ANGEL2: variants seen among roughly 807,000 people sequenced by gnomAD.
ANGEL2 encodes the protein angel homolog 2, also known as RNA 2',3'-cyclic phosphatase ANGEL2.
A neutral mutation model predicts 66.0 loss-of-function variants in ANGEL2; 41 were observed. The observed-to-expected ratio is 0.62, with a 90% CI of 0.48 to 0.81. The LOEUF (loss-of-function observed/expected upper bound fraction) is 0.81, where lower values mean the gene tolerates loss of function less well. Ranked by LOEUF, ANGEL2 falls within the 30% of genes least tolerant of loss-of-function variation. ANGEL2 has a pLI of 0.00. For synonymous variants in ANGEL2, 208 were observed against 226.5 expected, an observed-to-expected ratio of 0.92 and a Z score of 0.73; for missense variants, 561 against 641.6, an observed-to-expected ratio of 0.87 and a Z score of 1.36.
chr1:213,006,087 A>AC (rs1438224697), intron 4 of ANGEL2, among the ~76,000 whole-genome samples: 1 of 152,120 alleles, frequency 6.6e-6, no homozygotes, highest in Non-Finnish European at 1.5e-5. Context: ...CAAGGGAGAA[A>AC]TTTTTTTAAT....
intron 2 of ANGEL2, among the ~76,000 whole-genome samples, 165 bp downstream of exon 2, chr1:213,012,928 C>G (rs2076544730): frequency 6.6e-6 from 1 of 152,084 alleles, no homozygotes; most frequent in Admixed American, 6.6e-5. Flanking sequence ...AAAATAAAGA[C>G]TTCATTTAAG....
chr1:212,996,632 A>ATATAT (rs1260056648), intron 8 of ANGEL2, among the ~76,000 whole-genome samples: 2 of 54,024 alleles, frequency 3.7e-5, no homozygotes, highest in African/African-American at 8.2e-5. Context: ...CCAAAAAAAA[A>ATATAT]AAAAAAAAAT....
chr1:213,013,538 CTG>C, intron 1 of ANGEL2, 120 bp from the exon 2 acceptor site: 1 of 937,554 alleles, frequency 1.1e-6, no homozygotes, highest in Admixed American at 2.9e-5. Flanking sequence ...GCTGCTAAAT[CTG>C]TGAAGGATGA....
At chr1:213,012,335 A>G (rs1054221552) in intron 2 of ANGEL2, among the ~76,000 whole-genome samples, 2 of 152,218 alleles carry the variant, frequency 1.3e-5, no homozygotes, top group African/African-American at 4.8e-5. Context: ...TTATGGTTCA[A>G]TAAGAAAGAC....
intron 2 of ANGEL2, among the ~76,000 whole-genome samples, chr1:213,010,529 G>A (rs551332064): frequency 1.3e-5 from 2 of 149,792 alleles, no homozygotes; most frequent in East Asian, 2.0e-4. Context: ...CTGAGATTGC[G>A]CCATTGCACT....
chr1:213,005,558 C>A, intron 4 of ANGEL2, 104 bp from the exon 5 acceptor site: 5 of 1,207,774 alleles, frequency 4.1e-6, no homozygotes, highest in Non-Finnish European at 5.7e-6. Flanking sequence ...CTGTATTCTG[C>A]AAAACATTAG....
intron 2 of ANGEL2, among the ~76,000 whole-genome samples, chr1:213,010,008 G>A (rs565275302): frequency 5.5e-5 from 8 of 144,734 alleles, no homozygotes; most frequent in Non-Finnish European, 1.2e-4. Flanking sequence ...CCGAGATCGC[G>A]CCATTGCACT....
In ANGEL2 at chr1:213,000,924, T is replaced by G; in HGVS notation, c.1135-12A>C. 2 of 1,602,854 alleles carry G rather than the reference T, an allele frequency of 1.2e-6. No homozygotes were observed. Among genetic ancestry groups the G allele is most frequent in the Non-Finnish European group, 1.7e-6 (2 of 1,177,786 alleles). ...TCCTGGCCAGATACCTAAACAAAAT[T>G]TCAACAGGTATCTTAAGTGAAAAGA... On this transcript the variant is annotated splice_polypyrimidine_tract_variant and intron_variant, in intron 5 of 8. Coordinates refer to ENST00000366962, the MANE Select transcript of ANGEL2 (RefSeq NM_144567.5).
rs1558181995 is a variant in ANGEL2, at chr1:213,005,365, C to T, written c.802G>A (p.Val268Met). Residue 268 changes from valine to methionine, a missense_variant, in exon 5 of 9, where the codon GTG (valine) becomes ATG (methionine). Transcript: ENST00000366962. ...GGGCGGAAGAATTCCACTGGGTTCA[C>T]TGACAAGAGTGAAAATTTGGAATGT... ...FKHSKFSLLS[V>M]NPVEFFRPDI... 1 of 1,614,108 alleles carries T rather than the reference C, an allele frequency of 6.2e-7. No homozygotes were observed.
chr1:213,012,925 A>C (rs1193637486), intron 2 of ANGEL2, among the ~76,000 whole-genome samples, 168 bp downstream of exon 2: 1 of 152,266 alleles, frequency 6.6e-6, no homozygotes, highest in Non-Finnish European at 1.5e-5. Flanking sequence ...ATAAAAATAA[A>C]GACTTCATTT....
At chr1:213,002,538 C>T (rs891676374) in intron 5 of ANGEL2, among the ~76,000 whole-genome samples, 6 of 152,168 alleles carry the variant, frequency 3.9e-5, no homozygotes, top group African/African-American at 1.4e-4. Flanking sequence ...GTCAGCCTGT[C>T]CTTTGAAACC....
chr1:212,996,276 C>T (rs1488514607), intron 8 of ANGEL2, among the ~76,000 whole-genome samples: 4 of 152,010 alleles, frequency 2.6e-5, no homozygotes, highest in Admixed American at 6.5e-5. Flanking sequence ...CACTGCACTC[C>T]AGCCTGGGCG....
Position 213,004,976 on chromosome 1 carries a change from T to C in ANGEL2, c.1134+57A>G. 4.4e-6 allele frequency: 6 copies of C among 1,368,112 alleles called. No homozygotes were observed. The South Asian group carries it at 9.0e-5, about 21-fold the overall frequency. 84.7% of individuals were successfully genotyped at this position (1,368,112 alleles called of 1,614,324 possible). ...TAGCCATGTAATGACTATCTTCACATTATCATGAGCAGAGCAACTATGTCC... is the reference window on the plus strand; with the variant it reads ...TAGCCATGTAATGACTATCTTCACACTATCATGAGCAGAGCAACTATGTCC... On this transcript the variant is annotated intron_variant, in intron 5 of 8. Coordinates refer to ENST00000366962, the MANE Select transcript of ANGEL2 (RefSeq NM_144567.5).
At chr1:212,996,639 AAAT>A in intron 8 of ANGEL2, among the ~76,000 whole-genome samples, 4 of 61,682 alleles carry the variant, frequency 6.5e-5, no homozygotes, top group African/African-American at 1.5e-4. Flanking sequence ...AAAAAAAAAA[AAAT>A]ATATATATAT....
chr1:212,998,231 A>C (rs1294228170), intron 7 of ANGEL2, among the ~76,000 whole-genome samples: 2 of 151,790 alleles, frequency 1.3e-5, no homozygotes, highest in Non-Finnish European at 1.5e-5. Context: ...TCTCTACAAA[A>C]AAAAAAAAAA....
At chr1:212,996,639 AAATATATATATAT>A (rs1454689876) in intron 8 of ANGEL2, among the ~76,000 whole-genome samples, 2 of 61,682 alleles carry the variant, frequency 3.2e-5, no homozygotes, top group Non-Finnish European at 8.3e-5. Context: ...AAAAAAAAAA[AAATATATATATAT>A]ATATATATAT....
At chr1:213,004,047 T>C (rs1235694543) in intron 5 of ANGEL2, among the ~76,000 whole-genome samples, 1 of 151,786 alleles carries the variant, frequency 6.6e-6, no homozygotes, top group Non-Finnish European at 1.5e-5. Flanking sequence ...CTACTAAAAA[T>C]ACAAAAAATT....
intron 5 of ANGEL2, among the ~76,000 whole-genome samples, chr1:213,003,745 T>A (rs890499358): frequency 6.6e-6 from 1 of 152,162 alleles, no homozygotes; most frequent in South Asian, 2.1e-4. Flanking sequence ...GAGACAGGAA[T>A]TGAGCACATG....
chr1:212,994,200 G>C lies in ANGEL2; in HGVS notation c.*841C>G, dbSNP rs1376897957. 1.3e-5 allele frequency: 2 copies of C among 152,364 alleles called. No homozygotes were observed. Among genetic ancestry groups the C allele is most frequent in the East Asian group, 3.9e-4 (2 of 5,182 alleles). The allele number at this position is 152,364 out of a possible 1,614,324, so 9.4% of individuals were successfully genotyped here. On this transcript the variant is annotated 3_prime_UTR_variant, in exon 9 of 9. Transcript: ENST00000366962. ...AGAGGCTGAGGCAGGAGAATCGCTT[G>C]AGCCCGGGAGGCAGGGGTTGCAGTG...
Sources: gnomAD v4.1 joint callset for allele counts (sites outside exome capture counted in the v4.1 genomes callset) on GRCh38, gnomAD v4.1.1 for gene constraint, MANE v1.5 for transcripts, NCBI Gene and HGNC (gene_info 2026-07-23, HGNC 2026-07-21) for gene names.